The following FGF18 variants were observed in gnomAD, a reference collection of about 807,000 sequenced individuals.
FGF18 encodes fibroblast growth factor 18.
In FGF18, 5 loss-of-function variants were observed where a neutral mutation model predicts 23.0. The ratio of observed to expected loss-of-function variants is 0.22; its 90% CI spans 0.11 to 0.46. FGF18 has a LOEUF of 0.46. FGF18 is among the 20% of genes least tolerant of loss of function. The pLI is 0.99. For synonymous variants in FGF18, 117 were observed against 118.9 expected, an observed-to-expected ratio of 0.98 and a Z score of 0.10; for missense variants, 180 against 291.6, an observed-to-expected ratio of 0.62 and a Z score of 2.79.
chr5:171,447,575 C>CT (rs1411900871), intron 3 of FGF18, among the ~76,000 whole-genome samples: 4 of 152,098 alleles, frequency 2.6e-5, no homozygotes, highest in African/African-American at 7.2e-5. Flanking sequence ...GTAAATTCTT[C>CT]TTTTTTTCCC....
intron 2 of FGF18, among the ~76,000 whole-genome samples, chr5:171,424,875 C>T (rs1581269475): frequency 7.9e-6 from 1 of 127,068 alleles, no homozygotes; most frequent in Non-Finnish European, 1.7e-5. Flanking sequence ...GGGGAGGGGG[C>T]GGGGCTCCCC....
At chr5:171,441,022 A>G (rs896266377) in intron 3 of FGF18, among the ~76,000 whole-genome samples, 3 of 152,248 alleles carry the variant, frequency 2.0e-5, no homozygotes, top group Admixed American at 2.0e-4. Context: ...AGAAGGATGC[A>G]TAAAATATGT....
At chr5:171,424,427 G>A (rs1169413792) in intron 2 of FGF18, among the ~76,000 whole-genome samples, 3 of 152,250 alleles carry the variant, frequency 2.0e-5, no homozygotes, top group African/African-American at 7.2e-5. Context: ...CCATTCTACA[G>A]GGAGGCCAAG....
chr5:171,450,953 C>A (rs1312000805), intron 4 of FGF18, among the ~76,000 whole-genome samples: 1 of 152,090 alleles, frequency 6.6e-6, no homozygotes, highest in African/African-American at 2.4e-5. Context: ...CCCGTGCCCA[C>A]GCCGCGGCCC....
rs1415074460 is a variant in FGF18 at position 171,440,106 on chromosome 5, G to C, written c.250+3833G>C. ...ACCGTGGATCTGAGTTAGCCTTTCT[G>C]ATCCTGTTTCCTCTTCTACAAACAG... On this transcript the variant is annotated intron_variant, in intron 3 of 4. Coordinates refer to ENST00000274625, the MANE Select transcript of FGF18 (RefSeq NM_003862.3). The surrounding 1 kb of genome is among the most constrained non-coding windows in gnomAD (Gnocchi z 4.0). Among the ~76,000 whole-genome samples the C allele has an allele frequency of 6.6e-6, 1 of 152,178 alleles. No individual in the cohort carries two copies. The highest frequency in any genetic ancestry group is 1.5e-5 in the Non-Finnish European group (1 of 68,030).
At chr5:171,426,451 G>A (rs1347555309) in intron 2 of FGF18, among the ~76,000 whole-genome samples, 2 of 152,224 alleles carry the variant, frequency 1.3e-5, no homozygotes, top group African/African-American at 4.8e-5. Flanking sequence ...CCTTAGAAGG[G>A]GCTTGGGCCT....
At chr5:171,443,445 T>C (rs1361120290) in intron 3 of FGF18, among the ~76,000 whole-genome samples, 3 of 146,006 alleles carry the variant, frequency 2.1e-5, no homozygotes, top group African/African-American at 7.4e-5. Flanking sequence ...ACTCTTAACA[T>C]CTTAACATTG....
At chr5:171,438,380 G>A (rs891919286) in intron 3 of FGF18, among the ~76,000 whole-genome samples, 1 of 152,014 alleles carries the variant, frequency 6.6e-6, no homozygotes, top group Non-Finnish European at 1.5e-5. Flanking sequence ...GGGATTACAG[G>A]TGTGAGCATG....
chr5:171,440,474 C>T lies in FGF18; in HGVS notation c.250+4201C>T, dbSNP rs909280993. 1.3e-5 allele frequency among the ~76,000 whole-genome samples: 2 copies of T among 152,108 alleles called. No homozygotes were observed. The highest frequency in any genetic ancestry group is 4.8e-5 in the African/African-American group (2 of 41,404). On this transcript the variant is annotated intron_variant, in intron 3 of 4. Coordinates refer to ENST00000274625, the MANE Select transcript of FGF18 (RefSeq NM_003862.3). This position sits in a 1 kb window ranked among gnomAD's most constrained non-coding sequence, Gnocchi z 4.0. ...GTCTCCCCTCAGTCCCTTATTCATT[C>T]AACGTAAATTACCAAGCCCAAGCAC...
In FGF18 at chr5:171,451,200, C is replaced by T. The variant is rs1372302179; in HGVS notation, c.357+1947C>T. Among the ~76,000 whole-genome samples the T allele has an allele frequency of 1.3e-5, 2 of 152,046 alleles. No homozygotes were observed. Among genetic ancestry groups the T allele is most frequent in the Non-Finnish European group, 2.9e-5 (2 of 67,954 alleles). On this transcript the variant is annotated intron_variant, in intron 4 of 4. Coordinates refer to ENST00000274625, the MANE Select transcript of FGF18 (RefSeq NM_003862.3). The surrounding 1 kb of genome is among the most constrained non-coding windows in gnomAD (Gnocchi z 4.5). ...GTTCAGCTGGCGCGGCGCACCCTGG[C>T]GCAGCGGAGGGAGGCCCGGCCCCGG...
intron 1 of FGF18, 44 bp from the exon 2 acceptor site, chr5:171,420,363 C>T (rs779769382): frequency 6.2e-7 from 1 of 1,611,912 alleles, no homozygotes. Flanking sequence ...CGTGCGCCCC[C>T]TTCCTCAGGT....
intron 2 of FGF18, among the ~76,000 whole-genome samples, chr5:171,427,640 A>G (rs1772114677): frequency 6.6e-6 from 1 of 152,232 alleles, no homozygotes; most frequent in Non-Finnish European, 1.5e-5. Flanking sequence ...GCACTCAAAT[A>G]TAGTGTTGCT....
chr5:171,441,652 T>G (rs979511867), intron 3 of FGF18, among the ~76,000 whole-genome samples: 4 of 152,344 alleles, frequency 2.6e-5, no homozygotes, highest in East Asian at 1.9e-4. Flanking sequence ...ACCCACTATC[T>G]GTCTCCCGTG....
chr5:171,433,706 T>A (rs980370863), intron 2 of FGF18, among the ~76,000 whole-genome samples: 6 of 152,138 alleles, frequency 3.9e-5, no homozygotes, highest in Non-Finnish European at 8.8e-5. Flanking sequence ...CTGGGCTGTG[T>A]GGTTTGGAGC....
chr5:171,457,447 C>T lies in FGF18; in HGVS notation c.*642C>T, dbSNP rs1247739424. ...CAGTTCTGGAGGATGCTGCTATCGA[C>T]CTTCCGTGACTCACGTGACCTAGTA... On this transcript the variant is annotated 3_prime_UTR_variant, in exon 5 of 5. Coordinates refer to ENST00000274625, the MANE Select transcript of FGF18 (RefSeq NM_003862.3). 6.6e-6 allele frequency: 1 copy of T among 152,028 alleles called. No homozygotes were observed. The highest frequency in any genetic ancestry group is 6.6e-5 in the Admixed American group (1 of 15,256). 9.4% of individuals were successfully genotyped at this position (152,028 alleles called of 1,614,324 possible). A position where few individuals can be genotyped will look rare whatever the true frequency, so the allele number is the denominator to read the frequency against.
intron 2 of FGF18, among the ~76,000 whole-genome samples, chr5:171,426,937 G>A (rs1772098386): frequency 6.6e-6 from 1 of 152,160 alleles, no homozygotes; most frequent in African/African-American, 2.4e-5. Flanking sequence ...GGCCGGGCGT[G>A]GTGGCTCACG....
chr5:171,438,291 G>A (rs1210051712), intron 3 of FGF18, among the ~76,000 whole-genome samples: 2 of 151,868 alleles, frequency 1.3e-5, no homozygotes, highest in African/African-American at 4.8e-5. Context: ...TAATAGAGAC[G>A]GGGTTTCGCC....
chr5:171,438,085 CTTCTTTTTCTT>C lies in FGF18; in HGVS notation c.250+1821_250+1831del, dbSNP rs1457772957. ...CAATGGTTGGGCTAACGCAGTGCTTCTTCTTTTTCTTTTCTTTTTTTTTTTTTTTTTGAGAC... is the reference window on the plus strand; with the variant it reads ...CAATGGTTGGGCTAACGCAGTGCTTCTTCTTTTTTTTTTTTTTTTTGAGAC... On this transcript the variant is annotated intron_variant, in intron 3 of 4. Transcript: ENST00000274625. Among the ~76,000 whole-genome samples the C allele has an allele frequency of 1.8e-4, 27 of 150,122 alleles. 1 individual carries two copies. The highest frequency in any genetic ancestry group is 6.6e-4 in the African/African-American group (27 of 40,818).
At chr5:171,423,676 G>T (rs960147889) in intron 2 of FGF18, among the ~76,000 whole-genome samples, 5 of 152,104 alleles carry the variant, frequency 3.3e-5, no homozygotes, top group African/African-American at 1.2e-4. Context: ...TCCTCAGTGA[G>T]GTTTAGACCC....
Sources: allele counts gnomAD v4.1 joint callset (sites outside exome capture counted in the v4.1 genomes callset), GRCh38; gene constraint gnomAD v4.1.1; non-coding constraint Gnocchi (gnomAD v3.1); transcripts MANE v1.5; gene names NCBI Gene and HGNC (gene_info 2026-07-23, HGNC 2026-07-21).